The following DCC variants were observed in gnomAD, a reference collection of about 807,000 sequenced individuals.
DCC encodes the protein netrin receptor DCC.
In DCC, 58 loss-of-function variants were observed where a neutral mutation model predicts 172.5. The observed-to-expected ratio is 0.34, with a 90% CI of 0.27 to 0.42. The LOEUF (loss-of-function observed/expected upper bound fraction) is 0.42, where lower values mean the gene tolerates loss of function less well. Ranked by LOEUF, DCC falls within the 10% of genes least tolerant of loss-of-function variation. The pLI is 1.00. For missense variants in DCC, 1,740 were observed against 1,791.0 expected (o/e 0.97, Z 0.51); for synonymous variants, 709 against 644.5 (o/e 1.10, Z -1.52).
chr18:53,397,285 T>G, intron 17 of DCC, 23 bp from the exon 18 acceptor site: 1 of 1,609,960 alleles, frequency 6.2e-7, no homozygotes, highest in African/African-American at 1.3e-5. Context: ...TTTTTATCTC[T>G]TTGCTATTTC....
intron 20 of DCC, among the ~76,000 whole-genome samples, chr18:53,413,693 A>G (rs1910127976): frequency 6.6e-6 from 1 of 152,234 alleles, no homozygotes; most frequent in Non-Finnish European, 1.5e-5. Context: ...AAGGGCAGAC[A>G]AAGAATGGAG....
intron 24 of DCC, among the ~76,000 whole-genome samples, chr18:53,465,624 C>G (rs868208282): frequency 2.0e-5 from 3 of 152,064 alleles, no homozygotes; most frequent in Middle Eastern, 3.4e-3. Context: ...TTATTTATGT[C>G]TTTTGCCAAA....
chr18:52,988,142 T>C (rs1006152982), intron 5 of DCC, among the ~76,000 whole-genome samples: 1 of 152,216 alleles, frequency 6.6e-6, no homozygotes, highest in African/African-American at 2.4e-5. Context: ...GAATATAGTA[T>C]GCAAGGAATT....
At chr18:53,090,675 C>T (rs926894561) in intron 7 of DCC, among the ~76,000 whole-genome samples, 9 of 95,554 alleles carry the variant, frequency 9.4e-5, no homozygotes, top group Non-Finnish European at 1.8e-4. Flanking sequence ...GCCTGGGTGA[C>T]AGAGCGAAAC....
intron 2 of DCC, among the ~76,000 whole-genome samples, chr18:52,777,335 T>C (rs2037452423): frequency 1.3e-5 from 2 of 152,158 alleles, no homozygotes; most frequent in African/African-American, 4.8e-5. Flanking sequence ...AGGCCTTGCC[T>C]TCTCAGGCTT....
At chr18:53,079,224 A>G (rs2042765263) in intron 7 of DCC, among the ~76,000 whole-genome samples, 1 of 152,128 alleles carries the variant, frequency 6.6e-6, no homozygotes, top group South Asian at 2.1e-4. Context: ...TTGGTAGCCT[A>G]TACATAAGTC....
intron 12 of DCC, among the ~76,000 whole-genome samples, chr18:53,216,426 A>G (rs548510101): frequency 6.6e-6 from 1 of 152,216 alleles, no homozygotes; most frequent in African/African-American, 2.4e-5. Context: ...AAAAAGTCAT[A>G]CTCTGGGTTT....
chr18:52,423,947 G>A (rs1269662764), intron 1 of DCC, among the ~76,000 whole-genome samples: 1 of 152,046 alleles, frequency 6.6e-6, no homozygotes, highest in African/African-American at 2.4e-5. Flanking sequence ...TTTCGCTTCC[G>A]TTCCGATAAT....
intron 12 of DCC, among the ~76,000 whole-genome samples, chr18:53,220,256 G>C (rs1250520436): frequency 6.6e-6 from 1 of 152,076 alleles, no homozygotes; most frequent in East Asian, 1.9e-4. Context: ...TGGTTATTCA[G>C]AAGGGGTTTC....
intron 7 of DCC, among the ~76,000 whole-genome samples, chr18:53,142,931 G>GTATTGAA (rs2043852374): frequency 1.3e-5 from 2 of 151,804 alleles, no homozygotes; most frequent in African/African-American, 4.8e-5. Flanking sequence ...GTCTTGAAGA[G>GTATTGAA]GATTGGTCAG....
At chr18:52,341,639 CTGTT>C (rs35494422) in intron 1 of DCC, among the ~76,000 whole-genome samples, 33,063 of 152,030 alleles carry the variant, frequency 0.22, 4,244 homozygotes, top group Non-Finnish European at 0.3. Flanking sequence ...AATGGCAAAA[CTGTT>C]TGGGGATTGG....
chr18:52,740,958 G>C (rs1161422492), intron 1 of DCC, among the ~76,000 whole-genome samples: 1 of 152,182 alleles, frequency 6.6e-6, no homozygotes, highest in Non-Finnish European at 1.5e-5. Context: ...TAGAGCTGAA[G>C]ATGCCTCCTT....
intron 5 of DCC, among the ~76,000 whole-genome samples, chr18:53,003,704 C>T (rs962252635): frequency 6.6e-6 from 1 of 151,984 alleles, no homozygotes; most frequent in Admixed American, 6.6e-5. Flanking sequence ...GGAGACTTTT[C>T]CTCCCTTTTT....
Position 52,906,242 on chromosome 18 carries a change from C to T in DCC, c.611C>T (p.Pro204Leu), listed in dbSNP as rs755351979. 8.7e-6 allele frequency: 14 copies of T among 1,613,978 alleles called. No individual in the cohort carries two copies. Among genetic ancestry groups the T allele is most frequent in the East Asian group, 4.5e-5 (2 of 44,840 alleles). Residue 204 changes from proline to leucine, a missense_variant, in exon 3 of 29, where the codon CCG becomes CTG. Transcript: ENST00000442544. ...GCATTGCAGATCAGCCGACTCCAAC[C>T]GGGGGACATTGGAATTTACCGATGC... ...SGALQISRLQ[P>L]GDIGIYRCSA...
intron 21 of DCC, among the ~76,000 whole-genome samples, chr18:53,420,454 G>T (rs1273182207): frequency 6.6e-6 from 1 of 152,102 alleles, no homozygotes; most frequent in East Asian, 1.9e-4. Flanking sequence ...GCCAGCTTGG[G>T]TTGTCAATAC....
chr18:52,846,608 A>AACACACACACACACACACACAC (rs71175524), intron 2 of DCC, among the ~76,000 whole-genome samples: 6 of 130,498 alleles, frequency 4.6e-5, no homozygotes, highest in Non-Finnish European at 8.1e-5. Context: ...TGCCACTCCA[A>AACACACACACACACACACACAC]ACACACACAC....
intron 5 of DCC, among the ~76,000 whole-genome samples, chr18:52,968,115 T>C (rs910849460): frequency 5.9e-5 from 9 of 152,160 alleles, no homozygotes; most frequent in Non-Finnish European, 1.3e-4. Context: ...AGAATAGATT[T>C]TGGTATTACG....
At chr18:52,377,232 C>T (rs1011040010) in intron 1 of DCC, among the ~76,000 whole-genome samples, 4 of 152,086 alleles carry the variant, frequency 2.6e-5, no homozygotes, top group Non-Finnish European at 5.9e-5. Context: ...TATGATTTTT[C>T]CAGAAGAGAG....
At chr18:52,633,829 T>C (rs1323819585) in intron 1 of DCC, among the ~76,000 whole-genome samples, 1 of 152,138 alleles carries the variant, frequency 6.6e-6, no homozygotes, top group East Asian at 1.9e-4. Context: ...TCAATGACAC[T>C]GAAAACATAT....
Sources: gnomAD v4.1 joint callset for allele counts (sites outside exome capture counted in the v4.1 genomes callset) on GRCh38, gnomAD v4.1.1 for gene constraint, MANE v1.5 for transcripts, NCBI Gene and HGNC (gene_info 2026-07-23, HGNC 2026-07-21) for gene names.